Variants in RBM6 observed in about 807,000 individuals in gnomAD.
RBM6 encodes the protein RNA-binding protein 6.
RBM6 carries 23 observed loss-of-function variants against 140.4 expected under a neutral mutation model. The ratio of observed to expected loss-of-function variants is 0.16; its 90% CI spans 0.12 to 0.23. The LOEUF (loss-of-function observed/expected upper bound fraction) is 0.23, where lower values mean the gene tolerates loss of function less well. Among genes scored for constraint, RBM6 ranks in the 10% least tolerant of loss-of-function variants. RBM6 has a pLI of 1.00. For missense variants in RBM6, 1,139 were observed against 1,386.7 expected (o/e 0.82, Z 2.84); for synonymous variants, 439 against 475.6 (o/e 0.92, Z 1.00).
intron 1 of RBM6, among the ~76,000 whole-genome samples, chr3:49,945,064 A>C (rs903602896): frequency 1.3e-5 from 2 of 150,658 alleles, no homozygotes; most frequent in Admixed American, 1.3e-4. Flanking sequence ...TTTAGTAGAG[A>C]CGGGGTTTCA....
intron 1 of RBM6, among the ~76,000 whole-genome samples, chr3:49,959,491 G>T (rs13079006): frequency 0.36 from 53,286 of 150,086 alleles, 10,095 homozygotes; most frequent in Non-Finnish European, 0.44. Context: ...GAGCCGCCTC[G>T]CCCGGCCAAT....
chr3:49,959,632 G>A (rs1051862513), intron 1 of RBM6, among the ~76,000 whole-genome samples: 2 of 144,968 alleles, frequency 1.4e-5, no homozygotes, highest in African/African-American at 5.2e-5. Context: ...GTGCAGTGGT[G>A]TGACCTCGGC....
intron 6 of RBM6, among the ~76,000 whole-genome samples, chr3:50,002,796 T>C (rs527465371): frequency 1.3e-5 from 2 of 152,244 alleles, no homozygotes; most frequent in African/African-American, 4.8e-5. Context: ...CCTTATGACA[T>C]AGTAAACAAT....
rs1005432149 is a variant in RBM6 at position 50,035,550 on chromosome 3, C to T, written c.1558-12695C>T. ...ACAAAAAATTAGCCGGGCATGGTGG[C>T]GGGTGCCTGTAGTCCCAGCTACTTG... On this transcript the variant is annotated intron_variant, in intron 6 of 20. Coordinates refer to ENST00000266022, the MANE Select transcript of RBM6 (RefSeq NM_005777.3). 2.6e-5 allele frequency among the ~76,000 whole-genome samples: 4 copies of T among 151,574 alleles called. No homozygotes were observed. In the South Asian group the frequency reaches 6.3e-4, roughly 24 times the overall value.
chr3:50,043,112 G>A (rs995375479), intron 6 of RBM6, among the ~76,000 whole-genome samples: 27 of 152,202 alleles, frequency 1.8e-4, no homozygotes, highest in African/African-American at 6.3e-4. Context: ...AAGGATTTTA[G>A]CAGGTTTTAG....
chr3:50,045,901 A>G (rs543381873), intron 6 of RBM6, among the ~76,000 whole-genome samples: 2 of 152,316 alleles, frequency 1.3e-5, no homozygotes, highest in African/African-American at 4.8e-5. Context: ...GCTGAAGGTC[A>G]TGGAGTAGAG....
At chr3:49,944,414 T>C (rs2083402100) in intron 1 of RBM6, among the ~76,000 whole-genome samples, 1 of 152,144 alleles carries the variant, frequency 6.6e-6, no homozygotes, top group African/African-American at 2.4e-5. Flanking sequence ...ACATTTGGGT[T>C]GTTTCCACCT....
At chr3:50,026,178 G>A (rs983910660) in intron 6 of RBM6, among the ~76,000 whole-genome samples, 3 of 151,506 alleles carry the variant, frequency 2.0e-5, no homozygotes, top group Admixed American at 6.6e-5. Context: ...TCCGCCTCCC[G>A]GGTTCAAGCG....
intron 17 of RBM6, 27 bp downstream of exon 17, chr3:50,066,529 T>G: frequency 1.2e-5 from 19 of 1,600,024 alleles, no homozygotes; most frequent in Non-Finnish European, 1.6e-5. Context: ...CTATGCCCTT[T>G]CAAACTGTTG....
chr3:49,998,090 A>G (rs1283695882), intron 5 of RBM6, among the ~76,000 whole-genome samples: 2 of 152,242 alleles, frequency 1.3e-5, no homozygotes, highest in East Asian at 1.9e-4. Flanking sequence ...GAATCAACCT[A>G]TACCATTGTA....
Position 50,061,971 on chromosome 3 carries a change from T to C in RBM6, c.2449T>C (p.Tyr817His), listed in dbSNP as rs1244378675. The C allele has an allele frequency of 1.2e-6, 2 of 1,612,944 alleles. No homozygotes were observed. The highest frequency in any genetic ancestry group is 1.3e-5 in the African/African-American group (1 of 74,734). The change falls in exon 15 of 21, where the codon TAT becomes CAT. Residue 817 changes from tyrosine to histidine, a missense_variant. Tyr to His is a moderately conservative substitution (Grantham distance 83). Coordinates refer to ENST00000266022, the MANE Select transcript of RBM6 (RefSeq NM_005777.3). ...TCCAACTGTATCGCAGCAAGAAGTC[T>C]ATGTGCCCCAGGATCCTGGATTACC... ...YYDPNTQQEV[Y>H]VPQDPGLPEE... is the part of the protein sequence containing the mutation.
rs1169678343 is a variant in RBM6 at position 50,059,553 on chromosome 3, G to C, written c.2131-96G>C. 4 of 990,294 alleles carry C rather than the reference G, an allele frequency of 4.0e-6. No individual in the cohort carries two copies. The East Asian group carries it at 1.0e-4, about 25-fold the overall frequency. 61.3% of individuals were successfully genotyped at this position (990,294 alleles called of 1,614,324 possible). A position where few individuals can be genotyped will look rare whatever the true frequency, so the allele number is the denominator to read the frequency against. On this transcript the variant is annotated intron_variant, in intron 10 of 20. Transcript: ENST00000266022. Reference sequence around the variant, plus strand: ...TGTAGTAAATTTATCCTCTGAGAAGGAAAATCCACGTTCACTTCTCTTTCA... The same window carrying C: ...TGTAGTAAATTTATCCTCTGAGAAGCAAAATCCACGTTCACTTCTCTTTCA...
chr3:50,009,385 T>A (rs891588235), intron 6 of RBM6, among the ~76,000 whole-genome samples: 1 of 152,172 alleles, frequency 6.6e-6, no homozygotes, highest in African/African-American at 2.4e-5. Context: ...CATTGAGTGT[T>A]ATTAGGTATC....
chr3:50,027,877 G>A (rs1291708210), intron 6 of RBM6, among the ~76,000 whole-genome samples: 1 of 152,170 alleles, frequency 6.6e-6, no homozygotes. Context: ...AAAACTTCCA[G>A]CTTTTTACCA....
At chr3:49,978,066 T>C (rs1407310812) in intron 5 of RBM6, among the ~76,000 whole-genome samples, 1 of 152,174 alleles carries the variant, frequency 6.6e-6, no homozygotes, top group Non-Finnish European at 1.5e-5. Context: ...ATTGGTACGA[T>C]CATAGCTTAC....
At chr3:49,981,232 T>C (rs141140156) in intron 5 of RBM6, among the ~76,000 whole-genome samples, 225 of 152,286 alleles carry the variant, frequency 1.5e-3, no homozygotes, top group African/African-American at 5.2e-3. Context: ...AGCAGAAACC[T>C]TGTAAGCTGA....
chr3:49,947,922 C>T (rs900982047), intron 1 of RBM6, among the ~76,000 whole-genome samples: 7 of 152,072 alleles, frequency 4.6e-5, no homozygotes, highest in Non-Finnish European at 8.8e-5. Context: ...GGCAATATCC[C>T]GTCTGTACTA....
chr3:50,031,575 C>G (rs1317028724), intron 6 of RBM6, among the ~76,000 whole-genome samples: 2 of 143,454 alleles, frequency 1.4e-5, no homozygotes, highest in Non-Finnish European at 3.1e-5. Context: ...ACACTGGGGC[C>G]TGTCGTGGGG....
chr3:50,033,252 GTGCCAC>G (rs1329604817), intron 6 of RBM6, among the ~76,000 whole-genome samples: 51 of 152,050 alleles, frequency 3.4e-4, no homozygotes, highest in Admixed American at 3.3e-3. Context: ...AGCCAAGACT[GTGCCAC>G]TGCACTCCAG....
Sources: allele counts gnomAD v4.1 joint callset (sites outside exome capture counted in the v4.1 genomes callset), GRCh38; gene constraint gnomAD v4.1.1; transcripts MANE v1.5; gene names NCBI Gene and HGNC (gene_info 2026-07-23, HGNC 2026-07-21).